The following DSCAM variants were observed in gnomAD, a reference collection of about 807,000 sequenced individuals.
DSCAM encodes the protein DS cell adhesion molecule, also known as cell adhesion molecule DSCAM.
A neutral mutation model predicts 217.7 loss-of-function variants in DSCAM; 47 were observed. The ratio of observed to expected loss-of-function variants is 0.22; its 90% confidence interval spans 0.17 to 0.28. The LOEUF is 0.28. Among genes scored for constraint, DSCAM ranks in the 10% least tolerant of loss-of-function variants. The pLI, the probability that DSCAM is intolerant of heterozygous loss-of-function variation, is 1.00. For synonymous variants in DSCAM, 1,056 were observed against 1,015.3 expected, an observed-to-expected ratio of 1.04 and a Z score of -0.76; for missense variants, 2,080 against 2,618.3, an observed-to-expected ratio of 0.79 and a Z score of 4.49.
At chr21:40,021,963 C>A (rs1356274893) in intron 32 of DSCAM, among the ~76,000 whole-genome samples, 1 of 152,190 alleles carries the variant, frequency 6.6e-6, no homozygotes, top group African/African-American at 2.4e-5. Flanking sequence ...AGCAAAACTT[C>A]CTGAATTTTC....
intron 3 of DSCAM, among the ~76,000 whole-genome samples, chr21:40,560,273 G>A (rs2076709855): frequency 6.6e-6 from 1 of 152,198 alleles, no homozygotes; most frequent in Admixed American, 6.5e-5. Context: ...CTGGATGTAG[G>A]AGTTACCTAG....
At chr21:40,572,108 GTGTGTGTGTT>G (rs1242295033) in intron 3 of DSCAM, among the ~76,000 whole-genome samples, 4 of 151,828 alleles carry the variant, frequency 2.6e-5, no homozygotes, top group South Asian at 2.1e-4. Flanking sequence ...GTGTGTGTGT[GTGTGTGTGTT>G]TGTGTGTACA....
chr21:40,282,590 CAAAAAAAAAAAAAAA>C (rs528248714), intron 10 of DSCAM, among the ~76,000 whole-genome samples: 1 of 32,952 alleles, frequency 3.0e-5, no homozygotes, highest in Non-Finnish European at 1.2e-4. Flanking sequence ...GACTCTGTCT[CAAAAAAAAAAAAAAA>C]AAAAAAAAAA....
At chr21:40,571,461 TAAGTA>T in intron 3 of DSCAM, among the ~76,000 whole-genome samples, 1 of 152,244 alleles carries the variant, frequency 6.6e-6, no homozygotes, top group East Asian at 1.9e-4. Context: ...AAATGAAAGC[TAAGTA>T]AAGACATTTT....
chr21:40,373,579 C>T (rs2074921056), intron 3 of DSCAM, among the ~76,000 whole-genome samples: 1 of 152,130 alleles, frequency 6.6e-6, no homozygotes, highest in African/African-American at 2.4e-5. Context: ...GTATTTATCC[C>T]CATACCTGCT....
At chr21:40,377,994 T>G (rs2074980441) in intron 3 of DSCAM, among the ~76,000 whole-genome samples, 3 of 152,202 alleles carry the variant, frequency 2.0e-5, no homozygotes, top group Admixed American at 1.3e-4. Flanking sequence ...AGCTCTAATC[T>G]GTAATAAAAT....
At chr21:40,667,745 T>A (rs2090220930) in intron 3 of DSCAM, among the ~76,000 whole-genome samples, 1 of 152,192 alleles carries the variant, frequency 6.6e-6, no homozygotes, top group South Asian at 2.1e-4. Context: ...CCTGTCGCCA[T>A]GTGAAGAAGG....
At chr21:40,554,920 G>A (rs1306526933) in intron 3 of DSCAM, among the ~76,000 whole-genome samples, 2 of 152,042 alleles carry the variant, frequency 1.3e-5, no homozygotes, top group Non-Finnish European at 2.9e-5. Flanking sequence ...ATTACATTGT[G>A]AGCCCCTTAA....
intron 20 of DSCAM, among the ~76,000 whole-genome samples, chr21:40,097,276 A>T (rs2089688026): frequency 6.6e-6 from 1 of 152,202 alleles, no homozygotes; most frequent in African/African-American, 2.4e-5. Flanking sequence ...GAAGTATATG[A>T]TTGTAAGTTT....
chr21:40,327,130 T>C lies in DSCAM; in HGVS notation c.1783+10971A>G, dbSNP rs1020909969. ...GAGTTGTTATTTCTGACTTAAAATG[T>C]CATTATCACGGCATTATTTTTAGCA... On this transcript the variant is annotated intron_variant, in intron 8 of 32. Transcript: ENST00000400454. Among the ~76,000 whole-genome samples the C allele has an allele frequency of 2.0e-5, 3 of 152,114 alleles. No individual in the cohort carries two copies. The East Asian group carries it at 5.8e-4, about 29-fold the overall frequency.
chr21:40,432,479 C>A (rs190407241), intron 3 of DSCAM, among the ~76,000 whole-genome samples: 1 of 152,218 alleles, frequency 6.6e-6, no homozygotes, highest in East Asian at 1.9e-4. Context: ...GCCACTCAAA[C>A]ACTCTAGGAT....
intron 20 of DSCAM, among the ~76,000 whole-genome samples, chr21:40,115,913 T>C (rs1416069511): frequency 6.6e-6 from 1 of 152,144 alleles, no homozygotes; most frequent in East Asian, 1.9e-4. Flanking sequence ...TAAATGCCCA[T>C]CAATGATAGA....
chr21:40,188,986 A>G, intron 12 of DSCAM, 56 bp downstream of exon 12: 2 of 1,554,408 alleles, frequency 1.3e-6, no homozygotes, highest in Non-Finnish European at 1.8e-6. Context: ...GTGAAAGGAA[A>G]GACTTATTCT....
At chr21:40,835,068 C>T (rs1165391538) in intron 1 of DSCAM, among the ~76,000 whole-genome samples, 1 of 152,178 alleles carries the variant, frequency 6.6e-6, no homozygotes, top group East Asian at 1.9e-4. Flanking sequence ...CTTATTGCTG[C>T]AGGAAAGAAA....
At chr21:40,419,468 C>T (rs1046825933) in intron 3 of DSCAM, among the ~76,000 whole-genome samples, 2 of 151,998 alleles carry the variant, frequency 1.3e-5, no homozygotes, top group African/African-American at 2.4e-5. Context: ...GTAATTTATA[C>T]ATGAAAACAC....
At chr21:40,252,422 A>G (rs1026252301) in intron 11 of DSCAM, among the ~76,000 whole-genome samples, 1 of 152,140 alleles carries the variant, frequency 6.6e-6, no homozygotes, top group Admixed American at 6.5e-5. Context: ...CATGAATTTT[A>G]TCTTTGACAA....
At chr21:40,783,449 G>A (rs767409410) in intron 1 of DSCAM, among the ~76,000 whole-genome samples, 18 of 150,842 alleles carry the variant, frequency 1.2e-4, no homozygotes, top group African/African-American at 3.7e-4. Flanking sequence ...GTGTGTGTGC[G>A]TGTGTGTGTG....
At chr21:40,801,140 A>G (rs1214431867) in intron 1 of DSCAM, among the ~76,000 whole-genome samples, 1 of 151,898 alleles carries the variant, frequency 6.6e-6, no homozygotes, top group Non-Finnish European at 1.5e-5. Flanking sequence ...TTTAGTAGAG[A>G]CAGGGTTTCA....
chr21:40,251,907 T>C (rs558983413), intron 11 of DSCAM, among the ~76,000 whole-genome samples: 1 of 152,302 alleles, frequency 6.6e-6, no homozygotes, highest in Non-Finnish European at 1.5e-5. Flanking sequence ...CAAGCAGCCA[T>C]GTTGCAGACA....
Sources: allele counts gnomAD v4.1 joint callset (sites outside exome capture counted in the v4.1 genomes callset), GRCh38; gene constraint gnomAD v4.1.1; transcripts MANE v1.5; gene names NCBI Gene and HGNC (gene_info 2026-07-23, HGNC 2026-07-21).